The following F12 variants were observed in gnomAD, a reference collection of about 807,000 sequenced individuals.
The protein encoded by F12 is Hageman factor.
F12 carries 70 observed loss-of-function variants against 74.8 expected under a neutral mutation model. The observed-to-expected ratio is 0.94, with a 90% CI of 0.77 to 1.14. F12 has a LOEUF of 1.14. Ranked by LOEUF, F12 falls within the 50% of genes most tolerant of loss-of-function variation. The probability of loss-of-function intolerance (pLI) is 0.00; values close to 1 mark genes in which losing one functional copy is unlikely to be tolerated. For missense variants in F12, 811 were observed against 835.7 expected (o/e 0.97, Z 0.36); for synonymous variants, 373 against 356.4 (o/e 1.05, Z -0.52).
chr5:177,408,399 T>C (rs1245997225), intron 2 of F12, among the ~76,000 whole-genome samples: 1 of 152,216 alleles, frequency 6.6e-6, no homozygotes, highest in African/African-American at 2.4e-5. Context: ...TGGGGAGCTA[T>C]GGCAGAGCTT....
rs199988476 is a variant in F12, at chr5:177,402,460, C to T, written c.1681-1G>A. ...ACACCAGCGGGCCTCCGGAATCACC[C>T]TGGGTCGGAAACACGCAGCTCAGCG... On this transcript the variant is annotated splice_acceptor_variant, in intron 13 of 13. Transcript: ENST00000253496. LOFTEE classifies it high-confidence loss of function. The T allele has an allele frequency of 3.4e-4, 546 of 1,604,662 alleles. No individual in the cohort carries two copies. Among genetic ancestry groups the T allele is most frequent in the Non-Finnish European group, 3.2e-4 (373 of 1,175,992 alleles).
intron 10 of F12, 23 bp downstream of exon 10, chr5:177,403,836 G>T (rs1212961715): frequency 6.7e-7 from 1 of 1,501,744 alleles, no homozygotes; most frequent in Admixed American, 2.1e-5. Context: ...CCCTGGGGCG[G>T]CTCTGGGCGG....
At chr5:177,407,311 C>T (rs978515992) in intron 2 of F12, among the ~76,000 whole-genome samples, 1 of 152,176 alleles carries the variant, frequency 6.6e-6, no homozygotes, top group Non-Finnish European at 1.5e-5. Flanking sequence ...CCTGTGTCTT[C>T]TTCAGAGGAA....
intron 6 of F12, 49 bp downstream of exon 6, chr5:177,405,005 C>A: frequency 6.2e-7 from 1 of 1,603,038 alleles, no homozygotes. Context: ...CTCCTGCCAG[C>A]CTGTCTTCCT....
Position 177,402,605 on chromosome 5 carries a change from A to T in F12, c.1625T>A (p.Ile542Asn). ...CCCTGCGCAGAGCATGCCGGGGAGG[A>T]TGGAGGATCCGTGCACGTCCGGGGC... is the stretch of plus-strand genomic sequence containing the variant. ...CSAPDVHGSS[I>N]LPGMLCAGFL... is the part of the protein sequence containing the mutation. The change falls in exon 13 of 14, where the codon ATC becomes AAC. Residue 542 changes from isoleucine (I) to asparagine (N), a missense_variant. Physicochemically the swap from Ile to Asn is moderately radical, Grantham distance 149 (BLOSUM62 -3). Coordinates refer to ENST00000253496, the MANE Select transcript of F12 (RefSeq NM_000505.4). The T allele has an allele frequency of 6.2e-7, 1 of 1,613,140 alleles. No homozygotes were observed. The highest frequency in any genetic ancestry group is 8.5e-7 in the Non-Finnish European group (1 of 1,179,966).
rs1346515061 is a variant in F12 at position 177,404,681 on chromosome 5, C to T, written c.635-17G>A. 8.7e-6 allele frequency: 14 copies of T among 1,606,678 alleles called. No homozygotes were observed. Among genetic ancestry groups the T allele is most frequent in the Non-Finnish European group, 1.1e-5 (13 of 1,179,672 alleles). Reference sequence around the variant, plus strand: ...CCTTGGTGTCTGAGGAGAAAGGGGGCTCCCTGGGCAGCCAAGGCTGGGCTC... The same window carrying T: ...CCTTGGTGTCTGAGGAGAAAGGGGGTTCCCTGGGCAGCCAAGGCTGGGCTC... On this transcript the variant is annotated splice_polypyrimidine_tract_variant and intron_variant, in intron 7 of 13. Transcript: ENST00000253496.
chr5:177,404,020 G>A lies in F12; in HGVS notation c.1089C>T (p.Leu363=). ...GGGTCATCGAAGACAGACTCTTGCG[G>A]AGCCGCTGCCCGCAGCTCAGTGGGC... ...RNGPLSCGQR[L]RKSLSSMTRV... is the part of the protein sequence containing the mutation. The change falls in exon 10 of 14, where the codon CTC becomes CTT. Residue 363 remains leucine, a synonymous_variant. Transcript: ENST00000253496. 3 of 1,602,184 alleles carry A rather than the reference G, an allele frequency of 1.9e-6. No homozygotes were observed. Among genetic ancestry groups the A allele is most frequent in the Non-Finnish European group, 2.5e-6 (3 of 1,179,666 alleles).
Position 177,403,303 on chromosome 5 carries a change from G to C in F12, c.1482C>G (p.Pro494=). The C allele has an allele frequency of 6.3e-7, 1 of 1,599,820 alleles. No individual in the cohort carries two copies. Among genetic ancestry groups the C allele is most frequent in the Non-Finnish European group, 8.5e-7 (1 of 1,179,818 alleles). ...CCACCTGGCAGAGCGTGGTCTCGGA[G>C]GGTCGCGCGGCGCCGCTTGGCAGGC... is the stretch of plus-strand genomic sequence containing the variant. ...PVCLPSGAAR[P]SETTLCQVAG... Residue 494 remains proline, a synonymous_variant, in exon 12 of 14, where the codon CCC becomes CCG. Coordinates refer to ENST00000253496, the MANE Select transcript of F12 (RefSeq NM_000505.4).
intron 2 of F12, among the ~76,000 whole-genome samples, chr5:177,407,808 G>A (rs1763325842): frequency 6.6e-6 from 1 of 151,926 alleles, no homozygotes; most frequent in South Asian, 2.1e-4. Context: ...GATGCAGATG[G>A]GATGGACGGA....
intron 1 of F12, 146 bp downstream of exon 1, chr5:177,409,325 C>G (rs1036760199): frequency 9.5e-7 from 1 of 1,049,560 alleles, no homozygotes; most frequent in African/African-American, 1.6e-5. Flanking sequence ...TCTCCTCTGC[C>G]TGGGCCTTCC....
rs369462506 is a variant in F12, at chr5:177,402,414, G to T, written c.1726C>A (p.Arg576Ser). 4 of 1,612,404 alleles carry T rather than the reference G, an allele frequency of 2.5e-6. No homozygotes were observed. In the South Asian group the frequency reaches 4.4e-5, roughly 18 times the overall value. The stretch of plus-strand genomic sequence containing the variant: ...ATGATGCCTTGCAGGGTGAGCCGGC[G>T]CTCTGCAGCTTGGTCCTCACACACC... ...PLVCEDQAAE[R>S]RLTLQGIISW... Residue 576 changes from arginine (R) to serine (S), a missense_variant, in exon 14 of 14, where the codon CGC (arginine) becomes AGC (serine). Arg to Ser is a moderately radical substitution (Grantham distance 110). Transcript: ENST00000253496.
rs1287770885 is a variant in F12, at chr5:177,403,399, T to TA, written c.1388-3dup. 1 of 1,593,682 alleles carries TA rather than the reference T, an allele frequency of 6.3e-7. No individual in the cohort carries two copies. Among genetic ancestry groups the TA allele is most frequent in the African/African-American group, 1.3e-5 (1 of 74,724 alleles). On this transcript the variant is annotated splice_polypyrimidine_tract_variant and splice_region_variant and intron_variant, in intron 11 of 13. Transcript: ENST00000253496. ...CATCCTCCTGAAGGCGCAACAGAGCTAACCCGGGCGGAGAGGAGCGTGAGG... is the reference window on the plus strand; with the variant it reads ...CATCCTCCTGAAGGCGCAACAGAGCTAAACCCGGGCGGAGAGGAGCGTGAGG...
intron 2 of F12, among the ~76,000 whole-genome samples, chr5:177,407,298 T>C (rs967112662): frequency 6.6e-6 from 1 of 152,172 alleles, no homozygotes; most frequent in African/African-American, 2.4e-5. Flanking sequence ...ATAATGAGAA[T>C]TGCCTGTGTC....
chr5:177,405,691 G>A (rs777538473), intron 4 of F12, 44 bp downstream of exon 4: 36 of 1,578,786 alleles, frequency 2.3e-5, no homozygotes, highest in African/African-American at 2.7e-5. Context: ...GTAATGAGGC[G>A]GGAGGAGAGA....
intron 2 of F12, among the ~76,000 whole-genome samples, chr5:177,406,265 G>A (rs1763289277): frequency 6.6e-6 from 1 of 152,210 alleles, no homozygotes; most frequent in Non-Finnish European, 1.5e-5. Flanking sequence ...AAGGCGGGCA[G>A]ATCACGAGGT....
At chr5:177,408,917 A>T in intron 2 of F12, 129 bp downstream of exon 2, 1 of 881,380 alleles carries the variant, frequency 1.1e-6, no homozygotes, top group Non-Finnish European at 1.8e-6. Context: ...GCTCACGATC[A>T]CTCTAGTGCC....
chr5:177,403,861 G>C lies in F12; in HGVS notation c.1248C>G (p.Asp416Glu). 1 of 1,539,430 alleles carries C rather than the reference G, an allele frequency of 6.5e-7. No homozygotes were observed. The highest frequency in any genetic ancestry group is 8.7e-7 in the Non-Finnish European group (1 of 1,145,008). The change falls in exon 10 of 14, where the codon GAC (aspartate) becomes GAG (glutamate). Residue 416 changes from aspartate to glutamate, a missense_variant and splice_region_variant. Asp to Glu is a conservative substitution (Grantham distance 45). Transcript: ENST00000253496. ...GCTCTGGGCGGGCGGGTACTCGCCG[G>C]TCCTGCAGGCAGTGAGCGGCCGTCA... ...WVLTAAHCLQ[D>E]RPAPEDLTVV... is the part of the protein sequence containing the mutation.
Position 177,405,799 on chromosome 5 carries a change from A to G in F12, c.222T>C (p.Ala74=). 6.2e-7 allele frequency: 1 copy of G among 1,614,120 alleles called. No homozygotes were observed. The highest frequency in any genetic ancestry group is 8.5e-7 in the Non-Finnish European group (1 of 1,180,006). The change falls in exon 4 of 14, where the codon GCT becomes GCC. Residue 74 remains alanine, a synonymous_variant. Transcript: ENST00000253496. ...GGTCCTGATCAAAGTTGGGGGTGGT[A>G]GCACACCTGTAGAAAGAGACAAGGC... is the stretch of plus-strand genomic sequence containing the variant. ...KGRPGPQPWC[A]TTPNFDQDQR...
intron 3 of F12, 77 bp downstream of exon 3, chr5:177,405,885 C>T: frequency 6.3e-7 from 1 of 1,595,142 alleles, no homozygotes; most frequent in Admixed American, 1.7e-5. Context: ...TCTCTCCAAG[C>T]AGAGTTCCTT....
Sources: gnomAD v4.1 joint callset for allele counts (sites outside exome capture counted in the v4.1 genomes callset) on GRCh38, gnomAD v4.1.1 for gene constraint, MANE v1.5 for transcripts, NCBI Gene and HGNC (gene_info 2026-07-23, HGNC 2026-07-21) for gene names.